The following SHLD2 variants were observed in gnomAD, a reference collection of about 807,000 sequenced individuals.
SHLD2 encodes shieldin complex subunit 2.
A neutral mutation model predicts 73.2 loss-of-function variants in SHLD2; 30 were observed. The observed-to-expected ratio is 0.41, with a 90% confidence interval of 0.31 to 0.56. The LOEUF is 0.56. Among genes scored for constraint, SHLD2 ranks in the 20% least tolerant of loss-of-function variants. The pLI is 0.28. For synonymous variants in SHLD2, 285 were observed against 370.1 expected, an observed-to-expected ratio of 0.77 and a Z score of 2.64; for missense variants, 745 against 1,055.9, an observed-to-expected ratio of 0.71 and a Z score of 4.08.
chr10:87,180,122 A>G lies in SHLD2; in HGVS notation c.2218A>G (p.Thr740Ala). ...AQISELAFPI[T>A]ASQKIALNAH... is the part of the protein sequence containing the mutation. ...GATTTCAGAGCTGGCATTTCCTATT[A>G]CAGCATCTCAGAAGATAGCGCTAAA... is the stretch of plus-strand genomic sequence containing the variant. The change falls in exon 8 of 10, where the codon ACA becomes GCA. Residue 740 changes from threonine to alanine, a missense_variant. By Grantham distance (58) the Thr-to-Ala change is moderately conservative. This residue lies in a region of SHLD2 where 418 missense variants were observed against 567.8 expected (regional missense o/e 0.74). Coordinates refer to ENST00000298786, the MANE Select transcript of SHLD2 (RefSeq NM_001330112.2). The G allele has an allele frequency of 6.2e-7, 1 of 1,613,886 alleles. No individual in the cohort carries two copies. The highest frequency in any genetic ancestry group is 8.5e-7 in the Non-Finnish European group (1 of 1,179,838).
intron 4 of SHLD2, among the ~76,000 whole-genome samples, chr10:87,161,360 G>A (rs2134431040): frequency 6.6e-6 from 1 of 152,182 alleles, no homozygotes; most frequent in African/African-American, 2.4e-5. Flanking sequence ...AGGATTGCTT[G>A]AGCCCAGGCT....
chr10:87,177,563 C>T (rs1318457001), intron 7 of SHLD2, among the ~76,000 whole-genome samples: 11 of 152,162 alleles, frequency 7.2e-5, no homozygotes, highest in Non-Finnish European at 1.5e-4. Context: ...GGGCTGAATT[C>T]ATAGTTTCTG....
chr10:87,165,443 A>G (rs4933431), intron 4 of SHLD2, among the ~76,000 whole-genome samples: 103,244 of 151,990 alleles, frequency 0.68, 35,809 homozygotes, highest in Middle Eastern at 0.89. Context: ...ATCACCAGTA[A>G]TAAGATGTAT....
intron 2 of SHLD2, among the ~76,000 whole-genome samples, chr10:87,099,630 T>C (rs1215878361): frequency 6.6e-6 from 1 of 152,256 alleles, no homozygotes; most frequent in African/African-American, 2.4e-5. Context: ...AACTTTTGTG[T>C]GTGCATATGT....
chr10:87,127,522 C>CT (rs1319661071), intron 2 of SHLD2, among the ~76,000 whole-genome samples: 6 of 67,018 alleles, frequency 9.0e-5, no homozygotes, highest in African/African-American at 3.0e-4. Flanking sequence ...TTTTGTCCCT[C>CT]TTACCCGCCC....
At chr10:87,175,466 A>G (rs1344820202) in intron 6 of SHLD2, among the ~76,000 whole-genome samples, 1 of 151,794 alleles carries the variant, frequency 6.6e-6, no homozygotes, top group African/African-American at 2.4e-5. Flanking sequence ...TGGGCGGATC[A>G]TGAGGTCAGG....
chr10:87,144,102 A>G (rs938985862), intron 2 of SHLD2, among the ~76,000 whole-genome samples: 7 of 151,888 alleles, frequency 4.6e-5, no homozygotes, highest in Admixed American at 2.0e-4. Flanking sequence ...TGACCTCATG[A>G]TCTGCCCACT....
At position 87,168,603 on chromosome 10, in the gene SHLD2, A is replaced by T. The variant is rs146156765; in HGVS notation, c.1634-1875A>T. ...AATAGAGTGACACCTTGTCTCAAAA[A>T]AAATAAATAAATAAATAAATAAATT... On this transcript the variant is annotated intron_variant, in intron 4 of 9. Transcript: ENST00000298786. 7.3e-3 allele frequency among the ~76,000 whole-genome samples: 1,094 copies of T among 149,518 alleles called. 14 individuals carry two copies. The highest frequency in any genetic ancestry group is 0.02 in the African/African-American group (798 of 40,622).
chr10:87,127,737 G>A (rs957287683), intron 2 of SHLD2, among the ~76,000 whole-genome samples: 63 of 151,236 alleles, frequency 4.2e-4, no homozygotes, highest in Admixed American at 2.7e-3. Flanking sequence ...GACAGCCAGC[G>A]TTGCTATAAG....
intron 2 of SHLD2, among the ~76,000 whole-genome samples, chr10:87,145,986 G>A (rs1170946421): frequency 6.6e-6 from 1 of 152,090 alleles, no homozygotes. Flanking sequence ...GTTTCCCCCT[G>A]CCCTTGCCAG....
chr10:87,116,689 T>G (rs2134042939), intron 2 of SHLD2, among the ~76,000 whole-genome samples: 1 of 151,998 alleles, frequency 6.6e-6, no homozygotes, highest in South Asian at 2.1e-4. Flanking sequence ...GAGGGCAAGC[T>G]GAGTGGGAAT....
At chr10:87,096,278 C>A (rs1186202697) in intron 1 of SHLD2, among the ~76,000 whole-genome samples, 3 of 152,074 alleles carry the variant, frequency 2.0e-5, no homozygotes, top group African/African-American at 7.2e-5. Context: ...CGCCTGACCT[C>A]AAGTGATCCG....
At position 87,106,407 on chromosome 10, in the gene SHLD2, C is replaced by T. The variant is rs764848361; in HGVS notation, c.-6+9418C>T. 4.5e-5 allele frequency among the ~76,000 whole-genome samples: 6 copies of T among 133,656 alleles called. No individual in the cohort carries two copies. The East Asian group carries it at 5.8e-4, about 13-fold the overall frequency. 87.7% of individuals were successfully genotyped at this position (133,656 alleles called of 152,430 possible). A position where few individuals can be genotyped will look rare whatever the true frequency, so the allele number is the denominator to read the frequency against. ...TTACTGTGATAATATATTTTTTTAA[C>T]GCAATTTACAAAAGGGGGGGAACAT... is the stretch of plus-strand genomic sequence containing the variant. On this transcript the variant is annotated intron_variant, in intron 2 of 9. Transcript: ENST00000298786.
intron 9 of SHLD2, 131 bp from the exon 10 acceptor site, chr10:87,190,353 C>G: frequency 3.6e-6 from 3 of 826,354 alleles, no homozygotes; most frequent in Non-Finnish European, 6.2e-6. Flanking sequence ...GCCACCGCTA[C>G]TGGACGGGAG....
chr10:87,151,905 CT>C lies in SHLD2; in HGVS notation c.552del (p.Glu185LysfsTer5). On this transcript the variant is annotated frameshift_variant, in exon 3 of 10. Coordinates refer to ENST00000298786, the MANE Select transcript of SHLD2 (RefSeq NM_001330112.2). LOFTEE classifies it high-confidence loss of function. Reference protein sequence around the residue: ...CAAVLDLVCSTEKINIGPEVV... With the variant: ...CAAVLDLVCSXEKINIGPEVV... ...GCTGTGTTGGATTTGGTTTGTAGTACTGAAAAAATTAATATAGGGCCTGAAG... is the reference window on the plus strand; with the variant it reads ...GCTGTGTTGGATTTGGTTTGTAGTACGAAAAAATTAATATAGGGCCTGAAG... The C allele has an allele frequency of 6.2e-7, 1 of 1,611,166 alleles. No homozygotes were observed.
At chr10:87,103,289 T>C (rs1364699492) in intron 2 of SHLD2, among the ~76,000 whole-genome samples, 3 of 152,140 alleles carry the variant, frequency 2.0e-5, no homozygotes, top group Non-Finnish European at 4.4e-5. Flanking sequence ...AATTTTAATA[T>C]GATTTAGTTC....
At chr10:87,103,135 G>A (rs551876617) in intron 2 of SHLD2, among the ~76,000 whole-genome samples, 62 of 150,048 alleles carry the variant, frequency 4.1e-4, no homozygotes, top group Middle Eastern at 3.4e-3. Flanking sequence ...ACTTGAACCC[G>A]GGAGGCAGAG....
intron 2 of SHLD2, among the ~76,000 whole-genome samples, chr10:87,128,843 GT>G (rs1844222727): frequency 1.3e-5 from 2 of 152,018 alleles, no homozygotes; most frequent in Admixed American, 1.3e-4. Flanking sequence ...TGCACTCAGT[GT>G]TTTTTTGTTG....
chr10:87,141,015 C>G (rs937112378), intron 2 of SHLD2, among the ~76,000 whole-genome samples: 6 of 151,728 alleles, frequency 4.0e-5, no homozygotes, highest in Non-Finnish European at 5.9e-5. Flanking sequence ...CACAGTGACT[C>G]ACACTTGTAA....
Sources: gnomAD v4.1 joint callset for allele counts (sites outside exome capture counted in the v4.1 genomes callset) on GRCh38, gnomAD v4.1.1 for gene constraint, gnomAD v4.1.1 regional missense constraint, MANE v1.5 for transcripts, NCBI Gene and HGNC (gene_info 2026-07-23, HGNC 2026-07-21) for gene names.